NISCH: variants seen among roughly 807,000 people sequenced by gnomAD.
NISCH encodes nischarin.
In NISCH, 55 loss-of-function variants were observed where a neutral mutation model predicts 138.4. That is an observed-to-expected ratio of 0.40 (90% CI 0.32 to 0.50). The LOEUF is 0.50. Among genes scored for constraint, NISCH ranks in the 20% least tolerant of loss-of-function variants. The pLI is 0.71. For synonymous variants in NISCH, 860 were observed against 861.5 expected (o/e 1.00, Z 0.03); for missense variants, 1,643 against 2,005.5 (o/e 0.82, Z 3.45).
intron 3 of NISCH, among the ~76,000 whole-genome samples, chr3:52,465,244 C>T (rs1269366977): frequency 1.6e-4 from 25 of 152,170 alleles, no homozygotes; most frequent in Admixed American, 1.5e-3. Flanking sequence ...CTCCTCCCAC[C>T]TCAACCCCCC....
intron 6 of NISCH, among the ~76,000 whole-genome samples, chr3:52,473,246 G>A (rs558852610): frequency 9.8e-5 from 15 of 152,374 alleles, no homozygotes; most frequent in African/African-American, 1.7e-4. Context: ...GCCCTGCCAA[G>A]CAGGCTGAGG....
chr3:52,470,709 G>A lies in NISCH; in HGVS notation c.361-150G>A, dbSNP rs564050616. 8 of 702,074 alleles carry A rather than the reference G, an allele frequency of 1.1e-5. No individual in the cohort carries two copies. In the South Asian group the frequency reaches 1.3e-4, roughly 11 times the overall value. The allele number at this position is 702,074 out of a possible 1,614,324, so 43.5% of individuals were successfully genotyped here. A position where few individuals can be genotyped will look rare whatever the true frequency, so the allele number is the denominator to read the frequency against. On this transcript the variant is annotated intron_variant, in intron 3 of 20. Coordinates refer to ENST00000345716, the MANE Select transcript of NISCH (RefSeq NM_007184.4). ...CTTAGTTTCCCTTTCTAAGCTTCTT[G>A]CTTCATTGTAGGTTTATGCCCTCCT...
In NISCH at chr3:52,491,914, A is replaced by G. The variant is rs1226608105; in HGVS notation, c.3947A>G (p.Lys1316Arg). 1 of 1,612,274 alleles carries G rather than the reference A, an allele frequency of 6.2e-7. No individual in the cohort carries two copies. Among genetic ancestry groups the G allele is most frequent in the Non-Finnish European group, 8.5e-7 (1 of 1,179,146 alleles). Residue 1316 changes from lysine (K) to arginine (R), a missense_variant, in exon 21 of 21, where the codon AAG becomes AGG. Transcript: ENST00000345716. ...NYELIHSSRVKFTYPSEEEIG... is the reference protein window; with the variant it reads ...NYELIHSSRVRFTYPSEEEIG... ...GAGCTGATCCACTCTAGTCGCGTCA[A>G]GTTTACCTACCCCAGTGAGGAGGAG...
intron 1 of NISCH, among the ~76,000 whole-genome samples, chr3:52,457,483 T>C (rs1706506785): frequency 6.6e-6 from 1 of 152,176 alleles, no homozygotes; most frequent in Non-Finnish European, 1.5e-5. Flanking sequence ...TGCCTGCAGC[T>C]CCGGTTGGGT....
chr3:52,492,705 G>A lies in NISCH; in HGVS notation c.*223G>A. ...GTCGGTGTGCTGTCAGCCTCCCACA[G>A]GTGGTACAGCCGTGCACACCAGTGT... On this transcript the variant is annotated 3_prime_UTR_variant, in exon 21 of 21. Transcript: ENST00000345716. The A allele has an allele frequency of 1.6e-6, 1 of 613,902 alleles. No individual in the cohort carries two copies. Among genetic ancestry groups the A allele is most frequent in the Non-Finnish European group, 2.8e-6 (1 of 358,168 alleles). 38.0% of individuals were successfully genotyped at this position (613,902 alleles called of 1,614,324 possible). A position where few individuals can be genotyped will look rare whatever the true frequency, so the allele number is the denominator to read the frequency against.
chr3:52,489,563 C>T lies in NISCH; in HGVS notation c.3341C>T (p.Ala1114Val), dbSNP rs201610888. 3.7e-6 allele frequency: 6 copies of T among 1,613,270 alleles called. No homozygotes were observed. The highest frequency in any genetic ancestry group is 4.2e-6 in the Non-Finnish European group (5 of 1,179,994). The change falls in exon 17 of 21, where the codon GCC becomes GTC. Residue 1114 changes from alanine to valine, a missense_variant. Transcript: ENST00000345716. The stretch of plus-strand genomic sequence containing the variant: ...TACCCGAGTGAGCACCTCATCCAGG[C>T]CACCTCGGAGGAGAATCAGATCCCC... ...AQYPSEHLIQ[A>V]TSEENQIPSH...
intron 3 of NISCH, 146 bp downstream of exon 3, chr3:52,458,990 AT>A (rs1417463763): frequency 2.3e-4 from 143 of 614,298 alleles, no homozygotes; most frequent in Admixed American, 3.1e-4. Flanking sequence ...CTGGTTAGGA[AT>A]GCATTGTGGC....
At chr3:52,467,780 C>T (rs1706829810) in intron 3 of NISCH, among the ~76,000 whole-genome samples, 1 of 152,222 alleles carries the variant, frequency 6.6e-6, no homozygotes, top group East Asian at 1.9e-4. Context: ...GGCTGTCATC[C>T]AGGAAGGTGA....
rs961840502 is a variant in NISCH at position 52,492,683 on chromosome 3, G to T, written c.*201G>T. The T allele has an allele frequency of 9.8e-6, 7 of 716,126 alleles. No homozygotes were observed. The highest frequency in any genetic ancestry group is 6.7e-6 in the Non-Finnish European group (3 of 449,688). 44.4% of individuals were successfully genotyped at this position (716,126 alleles called of 1,614,324 possible). A position where few individuals can be genotyped will look rare whatever the true frequency, so the allele number is the denominator to read the frequency against. ...GAATGCCGGGCCCCTCAGGGCTGTC[G>T]GTGTGCTGTCAGCCTCCCACAGGTG... On this transcript the variant is annotated 3_prime_UTR_variant, in exon 21 of 21. Transcript: ENST00000345716.
At chr3:52,471,791 C>T (rs752575468) in intron 4 of NISCH, 23 bp from the exon 5 acceptor site, 3 of 1,613,712 alleles carry the variant, frequency 1.9e-6, no homozygotes, top group Admixed American at 3.3e-5. Flanking sequence ...GGACACTTAT[C>T]CTTCAGGGCA....
rs761721127 is a variant in NISCH, at chr3:52,487,100, C to T, written c.1704-96C>T. ...TTGGGAGACCCATGGGTTGGTTTCTCAGGGTCAGGGTGTAGCAGTGGGCTC... is the reference window on the plus strand; with the variant it reads ...TTGGGAGACCCATGGGTTGGTTTCTTAGGGTCAGGGTGTAGCAGTGGGCTC... On this transcript the variant is annotated intron_variant, in intron 15 of 20. Coordinates refer to ENST00000345716, the MANE Select transcript of NISCH (RefSeq NM_007184.4). This position sits in a 1 kb window ranked among gnomAD's most constrained non-coding sequence, Gnocchi z 9.1. 22 of 1,422,184 alleles carry T rather than the reference C, an allele frequency of 1.5e-5. No homozygotes were observed. The highest frequency in any genetic ancestry group is 4.6e-5 in the East Asian group (2 of 43,266). 88.1% of individuals were successfully genotyped at this position (1,422,184 alleles called of 1,614,324 possible).
intron 3 of NISCH, among the ~76,000 whole-genome samples, chr3:52,469,273 T>C (rs1195315378): frequency 7.3e-6 from 1 of 136,876 alleles, no homozygotes; most frequent in African/African-American, 2.8e-5. Context: ...CTGTGGGATG[T>C]GGGGGTGGGG....
intron 13 of NISCH, among the ~76,000 whole-genome samples, chr3:52,482,408 G>A (rs1395210413): frequency 1.3e-5 from 2 of 152,184 alleles, no homozygotes; most frequent in Non-Finnish European, 2.9e-5. Flanking sequence ...CGCCAGAGTT[G>A]ATTGTCCAGC....
chr3:52,480,977 G>A (rs541340356), intron 13 of NISCH: 670 of 1,470,346 alleles, frequency 4.6e-4, no homozygotes, highest in Non-Finnish European at 5.8e-4. Context: ...GAGTGGAGCC[G>A]AGGCTCGGGA....
chr3:52,471,206 G>C (rs1706936591), intron 4 of NISCH: 2 of 494,412 alleles, frequency 4.0e-6, no homozygotes, highest in Admixed American at 7.2e-5. Context: ...AGCTGACCCT[G>C]GGTCCCATCC....
At chr3:52,456,959 G>A (rs1381139694) in intron 1 of NISCH, among the ~76,000 whole-genome samples, 2 of 152,208 alleles carry the variant, frequency 1.3e-5, no homozygotes, top group Non-Finnish European at 2.9e-5. Context: ...TCCTCTGCAT[G>A]TATGTCGGGG....
chr3:52,475,252 G>C (rs1157820795), intron 7 of NISCH, among the ~76,000 whole-genome samples: 1 of 151,998 alleles, frequency 6.6e-6, no homozygotes, highest in Non-Finnish European at 1.5e-5. Context: ...CTTGCAGAGA[G>C]TGTGTTGGGC....
intron 3 of NISCH, among the ~76,000 whole-genome samples, chr3:52,462,760 C>T (rs1253606671): frequency 6.6e-6 from 1 of 152,106 alleles, no homozygotes; most frequent in Non-Finnish European, 1.5e-5. Context: ...CTCAGCCTCC[C>T]GAGTAGCTGG....
At chr3:52,482,249 C>T (rs1317037106) in intron 13 of NISCH, among the ~76,000 whole-genome samples, 1 of 152,230 alleles carries the variant, frequency 6.6e-6, no homozygotes, top group Admixed American at 6.5e-5. Flanking sequence ...ATGCCTGTTG[C>T]TTCCAGCCTG....
Sources: gnomAD v4.1 joint callset for allele counts (sites outside exome capture counted in the v4.1 genomes callset) on GRCh38, gnomAD v4.1.1 for gene constraint, Gnocchi (gnomAD v3.1) non-coding constraint, MANE v1.5 for transcripts, NCBI Gene and HGNC (gene_info 2026-07-23, HGNC 2026-07-21) for gene names.